INO80C: variants seen among roughly 807,000 people sequenced by gnomAD.
INO80C encodes the protein INO80 complex subunit C.
A neutral mutation model predicts 17.7 loss-of-function variants in INO80C; 17 were observed. That is an observed-to-expected ratio of 0.96 (90% CI 0.66 to 1.44). The LOEUF (loss-of-function observed/expected upper bound fraction) is 1.44, where lower values mean the gene tolerates loss of function less well. INO80C is among the 40% of genes most tolerant of loss of function. The pLI is 0.00. For missense variants in INO80C, 244 were observed against 245.0 expected (o/e 1.00, Z 0.03); for synonymous variants, 96 against 95.8 (o/e 1.00, Z -0.01).
chr18:35,497,539 A>C (rs1465887245), intron 1 of INO80C, 180 bp downstream of exon 1: 1 of 1,402,684 alleles, frequency 7.1e-7, no homozygotes, highest in African/African-American at 1.5e-5. Flanking sequence ...AAGGCGTTGT[A>C]AGCCCATGTG....
At chr18:35,479,197 T>C (rs1356648206) in intron 3 of INO80C, 103 bp downstream of exon 3, 26 of 727,778 alleles carry the variant, frequency 3.6e-5, no homozygotes, top group Non-Finnish European at 4.2e-5. Flanking sequence ...AAGCTAAAAA[T>C]TATTTCCTAC....
chr18:35,468,769 G>C (rs372146442), intron 4 of INO80C, 27 bp from the exon 5 acceptor site: 1 of 1,604,834 alleles, frequency 6.2e-7, no homozygotes, highest in African/African-American at 1.3e-5. Flanking sequence ...ACAGGGAAGG[G>C]CAGAAAGTTT....
intron 1 of INO80C, chr18:35,497,461 G>A (rs1239036288): frequency 7.9e-7 from 1 of 1,272,388 alleles, no homozygotes; most frequent in Non-Finnish European, 9.9e-7. Flanking sequence ...TCGAGGGGAA[G>A]AGGCAGTCCT....
In INO80C at chr18:35,468,524, C is replaced by G; in HGVS notation, c.*87G>C. The G allele has an allele frequency of 6.3e-7, 1 of 1,589,592 alleles. No individual in the cohort carries two copies. Among genetic ancestry groups the G allele is most frequent in the Non-Finnish European group, 8.6e-7 (1 of 1,165,718 alleles). On this transcript the variant is annotated 3_prime_UTR_variant, in exon 5 of 5. Coordinates refer to ENST00000334598, the MANE Select transcript of INO80C (RefSeq NM_194281.4). Reference sequence around the variant, plus strand: ...AGCACTGGCATTTTCAGATTGACAGCAGAACGAGTTTGTTTCCGTGAAACA... The same window carrying G: ...AGCACTGGCATTTTCAGATTGACAGGAGAACGAGTTTGTTTCCGTGAAACA...
chr18:35,494,445 G>A (rs1362526947), intron 1 of INO80C, among the ~76,000 whole-genome samples: 1 of 152,178 alleles, frequency 6.6e-6, no homozygotes, highest in Non-Finnish European at 1.5e-5. Context: ...CTGAGTCCAG[G>A]GGTCAGCAAT....
chr18:35,470,232 G>A (rs1036770649), intron 4 of INO80C, among the ~76,000 whole-genome samples: 2 of 152,152 alleles, frequency 1.3e-5, no homozygotes, highest in African/African-American at 4.8e-5. Context: ...CTTATTTATA[G>A]GCTTCTCATG....
intron 4 of INO80C, 28 bp from the exon 5 acceptor site, chr18:35,468,770 C>T: frequency 6.2e-7 from 1 of 1,604,962 alleles, no homozygotes; most frequent in Non-Finnish European, 8.5e-7. Flanking sequence ...CAGGGAAGGG[C>T]AGAAAGTTTT....
chr18:35,471,019 T>C (rs1232847308), intron 4 of INO80C, among the ~76,000 whole-genome samples: 2 of 152,178 alleles, frequency 1.3e-5, no homozygotes, highest in African/African-American at 4.8e-5. Context: ...CATAGCTCTG[T>C]AACGAGTGCT....
intron 4 of INO80C, among the ~76,000 whole-genome samples, chr18:35,471,687 T>C (rs1327803486): frequency 2.0e-5 from 3 of 152,102 alleles, no homozygotes; most frequent in African/African-American, 7.2e-5. Flanking sequence ...ATGTGCCATG[T>C]TGGTGTGCTG....
intron 1 of INO80C, among the ~76,000 whole-genome samples, chr18:35,485,119 T>C (rs1328328538): frequency 6.6e-6 from 1 of 152,004 alleles, no homozygotes; most frequent in Admixed American, 6.6e-5. Context: ...TTAATCTTAA[T>C]TACCTCCCTG....
intron 1 of INO80C, among the ~76,000 whole-genome samples, chr18:35,493,994 G>T (rs562143740): frequency 6.6e-6 from 1 of 152,290 alleles, no homozygotes; most frequent in East Asian, 1.9e-4. Flanking sequence ...GGCAACCTGG[G>T]TTAATCTCAC....
chr18:35,483,577 G>T (rs2045839865), intron 1 of INO80C: 1 of 152,210 alleles, frequency 6.6e-6, no homozygotes, highest in South Asian at 2.1e-4. Context: ...TTCTAACCCA[G>T]TGCCTAGCAC....
chr18:35,483,504 G>A (rs1474829600), intron 1 of INO80C: 3 of 152,284 alleles, frequency 2.0e-5, no homozygotes, highest in Admixed American at 6.5e-5. Flanking sequence ...GATTCAGAGA[G>A]TGAGGATACA....
intron 1 of INO80C, among the ~76,000 whole-genome samples, chr18:35,488,778 G>A (rs143399345): frequency 1.3e-5 from 2 of 152,322 alleles, no homozygotes; most frequent in East Asian, 3.9e-4. Context: ...TTGTCAGGCT[G>A]CAAATTTTCT....
intron 3 of INO80C, among the ~76,000 whole-genome samples, chr18:35,478,825 T>C (rs1297145490): frequency 6.6e-6 from 1 of 152,214 alleles, no homozygotes; most frequent in Admixed American, 6.5e-5. Context: ...GAACTTGTAC[T>C]TTCCAGTGAA....
intron 4 of INO80C, among the ~76,000 whole-genome samples, chr18:35,474,205 G>A (rs1163488243): frequency 1.8e-4 from 5 of 27,248 alleles, no homozygotes; most frequent in African/African-American, 2.8e-4. Flanking sequence ...GTGTGTGTGT[G>A]TCTATATATA....
chr18:35,480,152 T>C (rs74554906), intron 2 of INO80C, among the ~76,000 whole-genome samples: 1,576 of 152,316 alleles, frequency 0.01, 22 homozygotes, highest in African/African-American at 0.036. Flanking sequence ...TTTCAAGCTT[T>C]GTCTAAGATT....
At chr18:35,483,146 A>G (rs369984169) in intron 1 of INO80C, among the ~76,000 whole-genome samples, 26 of 152,148 alleles carry the variant, frequency 1.7e-4, no homozygotes, top group African/African-American at 5.8e-4. Flanking sequence ...CGTCCATGTC[A>G]GTTTTAATTT....
intron 1 of INO80C, among the ~76,000 whole-genome samples, chr18:35,486,470 A>T (rs982822035): frequency 6.6e-6 from 1 of 152,252 alleles, no homozygotes; most frequent in Non-Finnish European, 1.5e-5. Context: ...AATATACTAT[A>T]AACCACTAAA....
Sources: gnomAD v4.1 joint callset for allele counts (sites outside exome capture counted in the v4.1 genomes callset) on GRCh38, gnomAD v4.1.1 for gene constraint, MANE v1.5 for transcripts, NCBI Gene and HGNC (gene_info 2026-07-23, HGNC 2026-07-21) for gene names.